Variants in STK32B observed in about 807,000 individuals in gnomAD.
STK32B encodes serine/threonine kinase 32B.
STK32B carries 43 observed loss-of-function variants against 52.6 expected under a neutral mutation model. The ratio of observed to expected loss-of-function variants is 0.82; its 90% CI spans 0.64 to 1.05. The LOEUF (loss-of-function observed/expected upper bound fraction) is 1.05, where lower values mean the gene tolerates loss of function less well. STK32B is among the 50% of genes least tolerant of loss of function. STK32B has a pLI of 0.00. For missense variants in STK32B, 621 were observed against 534.6 expected, an observed-to-expected ratio of 1.16 and a Z score of -1.59; for synonymous variants, 238 against 204.3, an observed-to-expected ratio of 1.17 and a Z score of -1.41.
chr4:5,219,597 G>A (rs1046708497), intron 3 of STK32B, among the ~76,000 whole-genome samples: 14 of 152,232 alleles, frequency 9.2e-5, no homozygotes, highest in Non-Finnish European at 1.6e-4. Flanking sequence ...CCCAACTTCC[G>A]AGCTGATCCT....
At position 5,236,846 on chromosome 4, in the gene STK32B, G is replaced by T. The variant is rs897324696; in HGVS notation, c.260+68396G>T. ...AATTACTGCGGCTAGGGACGTTCTAGTATGCTTTTTGGTGCAAACATATAC... is the reference window on the plus strand; with the variant it reads ...AATTACTGCGGCTAGGGACGTTCTATTATGCTTTTTGGTGCAAACATATAC... On this transcript the variant is annotated intron_variant, in intron 3 of 11. Transcript: ENST00000282908. Among the ~76,000 whole-genome samples, 3 of 152,188 alleles carry T rather than the reference G, an allele frequency of 2.0e-5. No homozygotes were observed. The South Asian group carries it at 6.2e-4, about 32-fold the overall frequency.
chr4:5,021,454 G>A, the STK32B span, among the ~76,000 whole-genome samples: 1 of 152,192 alleles, frequency 6.6e-6, no homozygotes, highest in Non-Finnish European at 1.5e-5. Context: ...CCATGATAGT[G>A]CCTGGGGCAT....
At chr4:5,475,037 T>C (rs1322576799) in intron 11 of STK32B, among the ~76,000 whole-genome samples, 1 of 151,964 alleles carries the variant, frequency 6.6e-6, no homozygotes, top group Non-Finnish European at 1.5e-5. Context: ...CAGCCAGAGA[T>C]GAAGGTAGTC....
intron 5 of STK32B, among the ~76,000 whole-genome samples, chr4:5,413,345 T>G (rs2109066151): frequency 6.6e-6 from 1 of 152,272 alleles, no homozygotes; most frequent in South Asian, 2.1e-4. Context: ...TTAGCTGAAG[T>G]TCAGTGGAAT....
chr4:5,171,776 G>T (rs1402014273), intron 3 of STK32B, among the ~76,000 whole-genome samples: 1 of 148,778 alleles, frequency 6.7e-6, no homozygotes, highest in African/African-American at 2.4e-5. Flanking sequence ...GCTTAGGATT[G>T]ACTTGGCAAT....
chr4:5,065,924 A>G (rs1742402879), intron 1 of STK32B, among the ~76,000 whole-genome samples: 2 of 152,060 alleles, frequency 1.3e-5, no homozygotes, highest in South Asian at 2.1e-4. Flanking sequence ...GGGTTTCACT[A>G]TGTTGGCCAG....
chr4:5,072,243 C>A (rs1167237669), intron 1 of STK32B, among the ~76,000 whole-genome samples: 1 of 151,978 alleles, frequency 6.6e-6, no homozygotes, highest in African/African-American at 2.4e-5. Context: ...TCAACTTGTA[C>A]CCTGCAGACT....
intron 4 of STK32B, among the ~76,000 whole-genome samples, chr4:5,339,395 G>C (rs951472412): frequency 6.6e-6 from 1 of 152,142 alleles, no homozygotes; most frequent in Non-Finnish European, 1.5e-5. Flanking sequence ...GCAGAGATTT[G>C]AGTCAGCGTT....
intron 4 of STK32B, among the ~76,000 whole-genome samples, chr4:5,372,507 A>G (rs1735309862): frequency 6.6e-6 from 1 of 152,174 alleles, no homozygotes; most frequent in Non-Finnish European, 1.5e-5. Context: ...ACTATTCAAT[A>G]TTACCATCCT....
In STK32B at chr4:5,398,727, G is replaced by T. The variant is rs1217016609; in HGVS notation, c.472+483G>T. On this transcript the variant is annotated intron_variant, in intron 5 of 11. Coordinates refer to ENST00000282908, the MANE Select transcript of STK32B (RefSeq NM_018401.3). The surrounding 1 kb of genome is among the most constrained non-coding windows in gnomAD (Gnocchi z 4.9). ...TCCACTAAGCATTTACTCATCTATC[G>T]GCTATGTCAGGCTTCTCAAAATTTC... Among the ~76,000 whole-genome samples, 3 of 152,116 alleles carry T rather than the reference G, an allele frequency of 2.0e-5. No homozygotes were observed. The highest frequency in any genetic ancestry group is 2.0e-4 in the Admixed American group (3 of 15,276).
chr4:5,143,709 T>C (rs996963750), intron 2 of STK32B, among the ~76,000 whole-genome samples: 3 of 152,118 alleles, frequency 2.0e-5, no homozygotes, highest in African/African-American at 4.8e-5. Context: ...GCACTCACAC[T>C]ATCCCTTAGA....
At chr4:5,142,665 G>A (rs77850048) in intron 2 of STK32B, among the ~76,000 whole-genome samples, 128 of 152,264 alleles carry the variant, frequency 8.4e-4, no homozygotes, top group African/African-American at 3.0e-3. Context: ...ACTTGTTGAG[G>A]GCAGAAATCT....
At chr4:5,019,425 C>A in the STK32B span, 1 of 1,480,566 alleles carries the variant, frequency 6.8e-7, no homozygotes, top group Non-Finnish European at 8.9e-7. Context: ...GCAGCACGGG[C>A]AGAGGCCCAG....
intron 4 of STK32B, among the ~76,000 whole-genome samples, chr4:5,335,153 G>T (rs1732566569): frequency 6.6e-6 from 1 of 152,186 alleles, no homozygotes; most frequent in Non-Finnish European, 1.5e-5. Context: ...CACAATTTCA[G>T]ATCCTGTTAT....
Position 5,398,374 on chromosome 4 carries a change from C to A in STK32B, c.472+130C>A. 1 of 914,374 alleles carries A rather than the reference C, an allele frequency of 1.1e-6. No homozygotes were observed. Among genetic ancestry groups the A allele is most frequent in the East Asian group, 2.5e-5 (1 of 40,548 alleles). The allele number at this position is 914,374 out of a possible 1,614,324, so 56.6% of individuals were successfully genotyped here. A position where few individuals can be genotyped will look rare whatever the true frequency, so the allele number is the denominator to read the frequency against. On this transcript the variant is annotated intron_variant, in intron 5 of 11. Coordinates refer to ENST00000282908, the MANE Select transcript of STK32B (RefSeq NM_018401.3). The surrounding 1 kb of genome is among the most constrained non-coding windows in gnomAD (Gnocchi z 4.9). ...ATTGGCTAGAAACCTTCTCTTGTTTCAATCCTGGTGGATCAACATCTGTGT... is the reference window on the plus strand; with the variant it reads ...ATTGGCTAGAAACCTTCTCTTGTTTAAATCCTGGTGGATCAACATCTGTGT...
At chr4:5,489,641 A>G (rs1339939036) in intron 11 of STK32B, among the ~76,000 whole-genome samples, 1 of 151,026 alleles carries the variant, frequency 6.6e-6, no homozygotes, top group Non-Finnish European at 1.5e-5. Flanking sequence ...ATTTTTTTTG[A>G]GATGGAGTCT....
rs1362488379 is a variant in STK32B at position 5,460,064 on chromosome 4, T to A, written c.784-39T>A. 4.3e-6 allele frequency: 7 copies of A among 1,614,028 alleles called. No homozygotes were observed. Among genetic ancestry groups the A allele is most frequent in the Non-Finnish European group, 5.9e-6 (7 of 1,180,018 alleles). On this transcript the variant is annotated intron_variant, in intron 8 of 11. Coordinates refer to ENST00000282908, the MANE Select transcript of STK32B (RefSeq NM_018401.3). The surrounding 1 kb of genome is among the most constrained non-coding windows in gnomAD (Gnocchi z 4.8). ...CAGAGTCCCCGCTAACCTTGAGGGA[T>A]GCCCAATTCATGGAAACTCATTTGC...
chr4:5,186,875 T>A (rs970765448), intron 3 of STK32B, among the ~76,000 whole-genome samples: 11 of 152,188 alleles, frequency 7.2e-5, no homozygotes, highest in African/African-American at 2.7e-4. Flanking sequence ...TGTGTAATGT[T>A]TTCTTTGTAA....
At chr4:5,191,224 A>T (rs1033150609) in intron 3 of STK32B, among the ~76,000 whole-genome samples, 1 of 150,610 alleles carries the variant, frequency 6.6e-6, no homozygotes, top group Non-Finnish European at 1.5e-5. Context: ...GAGTTTGTGG[A>T]CCAGGCCTCT....
Sources: gnomAD v4.1 joint callset for allele counts (sites outside exome capture counted in the v4.1 genomes callset) on GRCh38, gnomAD v4.1.1 for gene constraint, Gnocchi (gnomAD v3.1) non-coding constraint, MANE v1.5 for transcripts, NCBI Gene and HGNC (gene_info 2026-07-23, HGNC 2026-07-21) for gene names.